WDR11: variants seen among roughly 807,000 people sequenced by gnomAD.
WDR11 encodes WD repeat domain 11, also known as WD repeat-containing protein 11.
WDR11 carries 83 observed loss-of-function variants against 151.2 expected under a neutral mutation model. The observed-to-expected ratio is 0.55, with a 90% CI of 0.46 to 0.66. The LOEUF is 0.66. Ranked by LOEUF, WDR11 falls within the 30% of genes least tolerant of loss-of-function variation. WDR11 has a pLI of 0.00. For synonymous variants in WDR11, 484 were observed against 533.1 expected, an observed-to-expected ratio of 0.91 and a Z score of 1.27; for missense variants, 1,301 against 1,480.9, an observed-to-expected ratio of 0.88 and a Z score of 1.99.
At chr10:120,861,252 AAAG>A (rs1421749108) in intron 4 of WDR11, among the ~76,000 whole-genome samples, 1 of 152,200 alleles carries the variant, frequency 6.6e-6, no homozygotes, top group African/African-American at 2.4e-5. Flanking sequence ...TGCACGTGTT[AAAG>A]GAGGAAGAGA....
rs1390473514 is a variant in WDR11, at chr10:120,909,246, T to C, written c.*533T>C. 6.4e-6 allele frequency: 1 copy of C among 157,068 alleles called. No homozygotes were observed. Among genetic ancestry groups the C allele is most frequent in the African/African-American group, 2.4e-5 (1 of 41,470 alleles). The allele number at this position is 157,068 out of a possible 1,614,324, so 9.7% of individuals were successfully genotyped here. A position where few individuals can be genotyped will look rare whatever the true frequency, so the allele number is the denominator to read the frequency against. On this transcript the variant is annotated 3_prime_UTR_variant, in exon 29 of 29. Transcript: ENST00000263461. The stretch of plus-strand genomic sequence containing the variant: ...TGAAAACACAGAACCGTTAATTCCT[T>C]GGTTTAAGCAGTTGCTAAGTTTTGT...
intron 19 of WDR11, among the ~76,000 whole-genome samples, chr10:120,892,519 C>T (rs1766216326): frequency 1.3e-5 from 2 of 151,934 alleles, no homozygotes; most frequent in Non-Finnish European, 2.9e-5. Flanking sequence ...GATTCATGGC[C>T]GATTTGGTCT....
intron 5 of WDR11, 23 bp downstream of exon 5, chr10:120,862,944 ACATT>A (rs1038688653): frequency 6.9e-7 from 1 of 1,447,678 alleles, no homozygotes; most frequent in African/African-American, 1.4e-5. Context: ...TGTAAAATTA[ACATT>A]CATCTACTTA....
chr10:120,905,497 G>A, intron 26 of WDR11, 81 bp downstream of exon 26: 1 of 1,504,624 alleles, frequency 6.6e-7, no homozygotes, highest in Admixed American at 1.7e-5. Context: ...TTATGACTTA[G>A]AAACATTTTT....
intron 11 of WDR11, among the ~76,000 whole-genome samples, chr10:120,876,698 A>G (rs1226665434): frequency 6.6e-6 from 1 of 152,252 alleles, no homozygotes; most frequent in Non-Finnish European, 1.5e-5. Flanking sequence ...AGCACTAACC[A>G]ATCGAAACTC....
chr10:120,873,264 A>C (rs1246298421), intron 10 of WDR11, among the ~76,000 whole-genome samples: 1 of 152,200 alleles, frequency 6.6e-6, no homozygotes, highest in African/African-American at 2.4e-5. Context: ...AGAGATGAAA[A>C]CACAGATTTA....
chr10:120,898,495 T>C (rs1041825680), intron 19 of WDR11, among the ~76,000 whole-genome samples: 1 of 152,222 alleles, frequency 6.6e-6, no homozygotes, highest in Non-Finnish European at 1.5e-5. Flanking sequence ...TACTGGATAA[T>C]TGCACAGTCC....
chr10:120,904,592 A>AGTTAT (rs1847961847), intron 24 of WDR11, 54 bp from the exon 25 acceptor site: 1 of 1,606,138 alleles, frequency 6.2e-7, no homozygotes, highest in Non-Finnish European at 8.5e-7. Context: ...AATTTTAAAA[A>AGTTAT]GTTATGTTGG....
chr10:120,881,806 A>G (rs1274855651), intron 13 of WDR11, among the ~76,000 whole-genome samples: 3 of 152,048 alleles, frequency 2.0e-5, no homozygotes, highest in Non-Finnish European at 2.9e-5. Context: ...GTTTGCTAGT[A>G]AAGACATCTT....
chr10:120,872,127 A>G (rs1472081597), intron 10 of WDR11, among the ~76,000 whole-genome samples: 1 of 152,176 alleles, frequency 6.6e-6, no homozygotes, highest in African/African-American at 2.4e-5. Context: ...AAACCTCACC[A>G]TATTTATTCT....
At chr10:120,898,930 A>G (rs745544315) in intron 19 of WDR11, among the ~76,000 whole-genome samples, 4 of 152,202 alleles carry the variant, frequency 2.6e-5, no homozygotes, top group Non-Finnish European at 4.4e-5. Flanking sequence ...GTCATTTTAC[A>G]TAATTGTGTC....
rs767205361 is a variant in WDR11, at chr10:120,905,436, A to G, written c.3291+20A>G. 8 of 1,612,762 alleles carry G rather than the reference A, an allele frequency of 5.0e-6. No homozygotes were observed. Among genetic ancestry groups the G allele is most frequent in the Non-Finnish European group, 6.8e-6 (8 of 1,178,708 alleles). ...GCAAAAGTAGGTGGTTCCAAGTTTC[A>G]ATAGGTGCCCTCAACATTCGGGATA... On this transcript the variant is annotated intron_variant, in intron 26 of 28. Coordinates refer to ENST00000263461, the MANE Select transcript of WDR11 (RefSeq NM_018117.12).
At chr10:120,889,479 ATCCGCCCACC>A in intron 17 of WDR11, 1 of 398,696 alleles carries the variant, frequency 2.5e-6, no homozygotes. Flanking sequence ...TGACCTCGTG[ATCCGCCCACC>A]TCGGCCTCCC....
rs66873217 is a variant in WDR11, at chr10:120,874,176, GTTTTTTT to G, written c.1556+263_1556+269del. Among the ~76,000 whole-genome samples, 17 of 83,494 alleles carry G rather than the reference GTTTTTTT, an allele frequency of 2.0e-4. 1 individual carries two copies. The highest frequency in any genetic ancestry group is 3.0e-4 in the Admixed American group (2 of 6,680). The allele number at this position is 83,494 out of a possible 152,430, so 54.8% of individuals were successfully genotyped here. A position where few individuals can be genotyped will look rare whatever the true frequency, so the allele number is the denominator to read the frequency against. ...TGCAAAAGTAATTGCGGTTTTTGCA[GTTTTTTT>G]TTTTTTTTTGTTGTTGTTGTTGTTG... On this transcript the variant is annotated intron_variant, in intron 11 of 28. Transcript: ENST00000263461.
At chr10:120,905,294 A>C in intron 25 of WDR11, 25 bp from the exon 26 acceptor site, 1 of 1,611,394 alleles carries the variant, frequency 6.2e-7, no homozygotes, top group South Asian at 1.1e-5. Context: ...AGTGTCACTT[A>C]AGGGGATGCG....
Position 120,905,055 on chromosome 10 carries a change from C to T in WDR11, c.3193+244C>T, listed in dbSNP as rs377244643. Among the ~76,000 whole-genome samples the T allele has an allele frequency of 1.5e-3, 229 of 152,262 alleles. 6 individuals are homozygous for T. The South Asian group carries it at 0.046, about 31-fold the overall frequency. On this transcript the variant is annotated intron_variant, in intron 25 of 28. Transcript: ENST00000263461. The stretch of plus-strand genomic sequence containing the variant: ...GATAATAGGCATAAATCCAACAATC[C>T]TAGGCAAATCAGAACAATAAAACCT...
At chr10:120,862,684 T>C in intron 4 of WDR11, 51 bp from the exon 5 acceptor site, 1 of 1,566,866 alleles carries the variant, frequency 6.4e-7, no homozygotes, top group Non-Finnish European at 8.8e-7. Context: ...AATAAAACTG[T>C]ATGCTAAACT....
intron 7 of WDR11, among the ~76,000 whole-genome samples, chr10:120,866,152 G>A (rs930762661): frequency 6.6e-6 from 1 of 152,006 alleles, no homozygotes; most frequent in Non-Finnish European, 1.5e-5. Flanking sequence ...TTATCTTGGA[G>A]AATGGAAATA....
chr10:120,880,498 AG>A (rs1209356034), intron 12 of WDR11: 1 of 327,226 alleles, frequency 3.1e-6, no homozygotes, highest in Non-Finnish European at 5.9e-6. Context: ...CATCTCTACT[AG>A]GAGTACAAAA....
Sources: gnomAD v4.1 joint callset for allele counts (sites outside exome capture counted in the v4.1 genomes callset) on GRCh38, gnomAD v4.1.1 for gene constraint, MANE v1.5 for transcripts, NCBI Gene and HGNC (gene_info 2026-07-23, HGNC 2026-07-21) for gene names.